The following SHPRH variants were observed in gnomAD, a reference collection of about 807,000 sequenced individuals.
SHPRH encodes the protein SNF2 histone linker PHD RING helicase.
SHPRH carries 106 observed loss-of-function variants against 202.5 expected under a neutral mutation model. That is an observed-to-expected ratio of 0.52 (90% CI 0.45 to 0.62). The LOEUF is 0.62. Among genes scored for constraint, SHPRH ranks in the 20% least tolerant of loss-of-function variants. The pLI, the probability that SHPRH is intolerant of heterozygous loss-of-function variation, is 0.00. For synonymous variants in SHPRH, 729 were observed against 686.0 expected (o/e 1.06, Z -0.98); for missense variants, 1,710 against 2,020.0 (o/e 0.85, Z 2.94).
intron 2 of SHPRH, among the ~76,000 whole-genome samples, chr6:145,952,929 GA>G (rs1788135481): frequency 6.6e-6 from 1 of 152,014 alleles, no homozygotes; most frequent in South Asian, 2.1e-4. Context: ...AACAGACCTT[GA>G]TTAATGTTAA....
At chr6:145,940,454 A>AT (rs1193450517) in intron 11 of SHPRH, among the ~76,000 whole-genome samples, 1 of 140,598 alleles carries the variant, frequency 7.1e-6, no homozygotes, top group African/African-American at 2.7e-5. Flanking sequence ...ATTCAGACCT[A>AT]TATCTATGCT....
chr6:145,883,506 G>C (rs1426490548), downstream of SHPRH: 2 of 152,212 alleles, frequency 1.3e-5, no homozygotes, highest in African/African-American at 4.8e-5. Flanking sequence ...TCCCTTTGGG[G>C]TTATCAATTA....
At chr6:145,948,652 ATAC>A (rs1381406306) in intron 4 of SHPRH, among the ~76,000 whole-genome samples, 1 of 152,076 alleles carries the variant, frequency 6.6e-6, no homozygotes, top group Non-Finnish European at 1.5e-5. Context: ...AGGAAAACTA[ATAC>A]ATATAACCAG....
At chr6:145,860,986 C>G (rs1442947993), downstream of SHPRH, among the ~76,000 whole-genome samples, 6 of 151,858 alleles carry the variant, frequency 4.0e-5, no homozygotes, top group Non-Finnish European at 7.4e-5. Context: ...AAAATTAACT[C>G]GAAATGGATT....
chr6:145,944,066 T>C (rs1787098217), intron 8 of SHPRH, among the ~76,000 whole-genome samples: 1 of 152,150 alleles, frequency 6.6e-6, no homozygotes, highest in Non-Finnish European at 1.5e-5. Flanking sequence ...ACTGATATTT[T>C]GTTATTTACC....
At chr6:145,860,379 A>T (rs1779540054), downstream of SHPRH, among the ~76,000 whole-genome samples, 1 of 152,022 alleles carries the variant, frequency 6.6e-6, no homozygotes. Context: ...CCATAAAGAA[A>T]ATTTAAAAAA....
At chr6:145,927,147 A>G in intron 15 of SHPRH, 42 bp downstream of exon 15, 1 of 1,561,778 alleles carries the variant, frequency 6.4e-7, no homozygotes, top group Non-Finnish European at 8.8e-7. Flanking sequence ...TTTGTTAAAA[A>G]AACAAACAGA....
intron 1 of SHPRH, among the ~76,000 whole-genome samples, chr6:145,959,503 T>TA (rs1283815913): frequency 3.4e-5 from 3 of 89,356 alleles, no homozygotes; most frequent in African/African-American, 1.6e-4. Flanking sequence ...TAGGTTTGTG[T>TA]AAGTATACTC....
chr6:145,949,768 AACT>A (rs1787784205), intron 4 of SHPRH, among the ~76,000 whole-genome samples: 1 of 152,084 alleles, frequency 6.6e-6, no homozygotes, highest in South Asian at 2.1e-4. Flanking sequence ...CCTCCCGTAA[AACT>A]ACTACTTTCA....
chr6:145,864,518 A>T (rs1462994176), intron 2 of SHPRH: 1 of 242,908 alleles, frequency 4.1e-6, no homozygotes, highest in Non-Finnish European at 9.0e-6. Flanking sequence ...TTAAAAATTA[A>T]AAAATAAAAA....
chr6:145,915,127 TTATAAA>T (rs544523340), intron 23 of SHPRH, among the ~76,000 whole-genome samples: 1,484 of 146,974 alleles, frequency 0.01, 19 homozygotes, highest in African/African-American at 0.035. Flanking sequence ...TAAAATATAA[TTATAAA>T]TATATTTTGG....
intron 13 of SHPRH, 122 bp downstream of exon 13, chr6:145,934,785 A>AC (rs1158003514): frequency 1.1e-6 from 1 of 876,034 alleles, no homozygotes; most frequent in African/African-American, 1.7e-5. Flanking sequence ...ACCAAAGAAA[A>AC]CCCTCTACAC....
Position 145,958,971 on chromosome 6 carries a change from T to G in SHPRH, c.-32-3617A>C, listed in dbSNP as rs1014767130. 2.0e-5 allele frequency among the ~76,000 whole-genome samples: 3 copies of G among 152,112 alleles called. No individual in the cohort carries two copies. In the South Asian group the frequency reaches 6.2e-4, roughly 32 times the overall value. ...CCTCAGCCTCCTGAGTAGCTGGGAC[T>G]ACAGGCGCCTGCCACTATGCCCAGC... On this transcript the variant is annotated intron_variant, in intron 1 of 29. Transcript: ENST00000275233.
intron 3 of SHPRH, 35 bp downstream of exon 3, chr6:145,952,310 CTAAG>C (rs1788059386): frequency 6.5e-7 from 1 of 1,547,306 alleles, no homozygotes; most frequent in Non-Finnish European, 8.7e-7. Context: ...CTCACAACTC[CTAAG>C]TAATAGCAAT....
intron 26 of SHPRH, 57 bp from the exon 27 acceptor site, chr6:145,894,293 G>C: frequency 7.7e-7 from 1 of 1,294,082 alleles, no homozygotes; most frequent in South Asian, 1.4e-5. Flanking sequence ...TTATCTAAGG[G>C]TATCTGAAAA....
At chr6:145,953,411 T>G (rs529850964) in intron 2 of SHPRH, among the ~76,000 whole-genome samples, 1 of 152,192 alleles carries the variant, frequency 6.6e-6, no homozygotes, top group East Asian at 1.9e-4. Context: ...GGAACGTAGA[T>G]AGAACACAGA....
At chr6:145,872,198 G>A (rs1056627861) in intron 2 of SHPRH, among the ~76,000 whole-genome samples, 3 of 152,018 alleles carry the variant, frequency 2.0e-5, no homozygotes, top group Non-Finnish European at 2.9e-5. Flanking sequence ...TAGCAAATGG[G>A]TCTAATTAAA....
chr6:145,940,600 C>T (rs1195809010), intron 11 of SHPRH, 123 bp downstream of exon 11: 1 of 894,046 alleles, frequency 1.1e-6, no homozygotes, highest in African/African-American at 1.7e-5. Context: ...TAGGAGTCAA[C>T]TATAAAGACA....
the SHPRH span, among the ~76,000 whole-genome samples, chr6:145,859,136 G>A: frequency 1.3e-5 from 2 of 152,016 alleles, no homozygotes; most frequent in Non-Finnish European, 2.9e-5. Context: ...GTATGTACAT[G>A]TACTTATAGA....
Sources: allele counts gnomAD v4.1 joint callset (sites outside exome capture counted in the v4.1 genomes callset), GRCh38; gene constraint gnomAD v4.1.1; transcripts MANE v1.5; gene names NCBI Gene and HGNC (gene_info 2026-07-23, HGNC 2026-07-21).